Variants in USP8 observed in about 807,000 individuals in gnomAD.
USP8 encodes the protein ubiquitin specific peptidase 8.
A neutral mutation model predicts 130.0 loss-of-function variants in USP8; 27 were observed. The ratio of observed to expected loss-of-function variants is 0.21; its 90% CI spans 0.15 to 0.29. The LOEUF is 0.29. Ranked by LOEUF, USP8 falls within the 10% of genes least tolerant of loss-of-function variation. The probability of loss-of-function intolerance (pLI) is 1.00; values close to 1 mark genes in which losing one functional copy is unlikely to be tolerated. For synonymous variants in USP8, 392 were observed against 444.1 expected (o/e 0.88, Z 1.48); for missense variants, 1,029 against 1,312.2 (o/e 0.78, Z 3.33).
At chr15:50,493,106 T>C in intron 15 of USP8, 193 bp downstream of exon 15, 1 of 672,238 alleles carries the variant, frequency 1.5e-6, no homozygotes, top group Non-Finnish European at 2.7e-6. Flanking sequence ...TCTGGTGCGC[T>C]TTTTTGCTGC....
chr15:50,489,686 A>C, intron 12 of USP8, 115 bp from the exon 13 acceptor site: 1 of 599,162 alleles, frequency 1.7e-6, no homozygotes, highest in South Asian at 3.2e-5. Context: ...CAGCCAAGGC[A>C]AGGTTTTTTG....
intron 8 of USP8, 148 bp downstream of exon 8, chr15:50,471,943 C>A: frequency 1.1e-6 from 1 of 896,212 alleles, no homozygotes; most frequent in Non-Finnish European, 1.7e-6. Flanking sequence ...CTCTGTTGCC[C>A]AAGCTAGAGT....
rs2052765982 is a variant in USP8 at position 50,513,517 on chromosome 15, C to CT, written c.*14430dup. ...GAGTTCGAGACAAGAGCGAAACTGT[C>CT]TAAAAAAAAAAAAAAAAAAAAGAGT... On this transcript the variant is annotated 3_prime_UTR_variant, in exon 20 of 20. Coordinates refer to ENST00000307179, the MANE Select transcript of USP8 (RefSeq NM_005154.5). 4.1e-5 allele frequency: 3 copies of CT among 73,568 alleles called. No homozygotes were observed. The highest frequency in any genetic ancestry group is 1.7e-4 in the Admixed American group (1 of 5,994). 4.6% of individuals were successfully genotyped at this position (73,568 alleles called of 1,614,324 possible).
intron 3 of USP8, among the ~76,000 whole-genome samples, chr15:50,449,073 G>T (rs1416177308): frequency 6.6e-6 from 1 of 152,080 alleles, no homozygotes; most frequent in Non-Finnish European, 1.5e-5. Flanking sequence ...TTTTTAATAA[G>T]AAAATATACT....
Position 50,497,154 on chromosome 15 carries a change from T to C in USP8, c.2961T>C (p.His987=). The C allele has an allele frequency of 6.2e-7, 1 of 1,610,852 alleles. No individual in the cohort carries two copies. Among genetic ancestry groups the C allele is most frequent in the African/African-American group, 1.3e-5 (1 of 74,824 alleles). Residue 987 remains histidine, a synonymous_variant, in exon 18 of 20, where the codon CAT becomes CAC. Transcript: ENST00000307179. The part of the protein sequence containing the change: ...LTDNNRFYCS[H]CRARRDSLKK... The stretch of plus-strand genomic sequence containing the variant: ...ATAACAACAGATTTTACTGCAGTCA[T>C]TGCAGAGCTCGACGGGATTCTCTAA...
chr15:50,437,661 A>G (rs983201573), intron 1 of USP8, among the ~76,000 whole-genome samples: 9 of 152,236 alleles, frequency 5.9e-5, no homozygotes, highest in African/African-American at 1.7e-4. Context: ...TGTTGTCTCT[A>G]TAAGTATGAG....
At chr15:50,445,274 A>G (rs1351114754) in intron 3 of USP8, among the ~76,000 whole-genome samples, 1 of 151,588 alleles carries the variant, frequency 6.6e-6, no homozygotes, top group Non-Finnish European at 1.5e-5. Flanking sequence ...GGCTGGGCGC[A>G]ATGGCTCACC....
chr15:50,470,723 C>T (rs932944311), intron 7 of USP8, among the ~76,000 whole-genome samples: 7 of 151,948 alleles, frequency 4.6e-5, no homozygotes, highest in African/African-American at 1.7e-4. Context: ...CCTCAGCCTC[C>T]TCAGTAGCTG....
chr15:50,497,011 G>GACTA lies in USP8; in HGVS notation c.2896-72_2896-69dup, dbSNP rs202190406. ...GTTGAATCACTGGTGCCTGCAGAGT[G>GACTA]ACTAACTAAATAGGTGCTCTCTGAC... On this transcript the variant is annotated intron_variant, in intron 17 of 19. Transcript: ENST00000307179. The GACTA allele has an allele frequency of 1.4e-4, 207 of 1,516,686 alleles. 2 individuals carry two copies. In the African/African-American group the frequency reaches 2.4e-3, roughly 18 times the overall value. 94.0% of individuals were successfully genotyped at this position (1,516,686 alleles called of 1,614,324 possible).
At chr15:50,495,169 C>G (rs2052328119) in intron 16 of USP8, among the ~76,000 whole-genome samples, 1 of 151,662 alleles carries the variant, frequency 6.6e-6, no homozygotes, top group Non-Finnish European at 1.5e-5. Flanking sequence ...TTTGGGGTCA[C>G]CATTCTTAAC....
chr15:50,466,967 A>G, intron 7 of USP8: 1 of 473,454 alleles, frequency 2.1e-6, no homozygotes, highest in Non-Finnish European at 3.9e-6. Context: ...GTTCTAAGAC[A>G]TGGGATCATT....
chr15:50,438,954 C>T, intron 1 of USP8, 55 bp from the exon 2 acceptor site: 1 of 695,370 alleles, frequency 1.4e-6, no homozygotes, highest in South Asian at 1.9e-5. Flanking sequence ...TTAAACTGCT[C>T]ACTTGTTTTA....
intron 12 of USP8, among the ~76,000 whole-genome samples, chr15:50,484,929 G>T (rs1331873149): frequency 5.9e-5 from 6 of 101,260 alleles, no homozygotes; most frequent in Non-Finnish European, 1.1e-4. Context: ...GGTTTGTAAA[G>T]TAGGCAAATG....
chr15:50,490,210 A>G lies in USP8; in HGVS notation c.1972-53A>G, dbSNP rs1442030594. Reference sequence around the variant, plus strand: ...ACTTTGGAGTGATTTCTTTGTTTATATAATGCTTATTTTTGTTTTTTGACC... The same window carrying G: ...ACTTTGGAGTGATTTCTTTGTTTATGTAATGCTTATTTTTGTTTTTTGACC... On this transcript the variant is annotated intron_variant, in intron 13 of 19. Coordinates refer to ENST00000307179, the MANE Select transcript of USP8 (RefSeq NM_005154.5). 7 of 1,523,690 alleles carry G rather than the reference A, an allele frequency of 4.6e-6. No homozygotes were observed. The East Asian group carries it at 6.8e-5, about 15-fold the overall frequency. The allele number at this position is 1,523,690 out of a possible 1,614,324, so 94.4% of individuals were successfully genotyped here.
chr15:50,462,418 T>C (rs1048794602), intron 6 of USP8, 96 bp downstream of exon 6: 6 of 1,093,728 alleles, frequency 5.5e-6, no homozygotes, highest in East Asian at 2.6e-5. Flanking sequence ...ATTCTTAGCA[T>C]TGTTGTCTAA....
intron 17 of USP8, 54 bp downstream of exon 17, chr15:50,496,138 A>G (rs2052392003): frequency 1.4e-6 from 2 of 1,392,228 alleles, no homozygotes; most frequent in Admixed American, 2.0e-5. Flanking sequence ...TGCTGTTTTT[A>G]TGGATATAGA....
chr15:50,451,983 G>A (rs8037446), intron 4 of USP8, among the ~76,000 whole-genome samples: 20,870 of 152,234 alleles, frequency 0.14, 1,954 homozygotes, highest in Middle Eastern at 0.28. Context: ...CCACGGAGGC[G>A]TGTGTGCCGA....
intron 8 of USP8, 63 bp downstream of exon 8, chr15:50,471,858 T>C: frequency 1.9e-6 from 3 of 1,552,228 alleles, no homozygotes; most frequent in Non-Finnish European, 2.6e-6. Context: ...TAGAAAGGCA[T>C]GTTAACTAGT....
Position 50,510,417 on chromosome 15 carries a change from C to T in USP8, c.*11329C>T, listed in dbSNP as rs1297629059. 1 of 151,612 alleles carries T rather than the reference C, an allele frequency of 6.6e-6. No individual in the cohort carries two copies. Among genetic ancestry groups the T allele is most frequent in the Non-Finnish European group, 1.5e-5 (1 of 67,964 alleles). The allele number at this position is 151,612 out of a possible 1,614,324, so 9.4% of individuals were successfully genotyped here. On this transcript the variant is annotated 3_prime_UTR_variant, in exon 20 of 20. Transcript: ENST00000307179. ...CAGCAATTACAATAAGATACAACAA[C>T]CAAATGCAGTTTGTGAATTTTGGAT...
Sources: allele counts gnomAD v4.1 joint callset (sites outside exome capture counted in the v4.1 genomes callset), GRCh38; gene constraint gnomAD v4.1.1; transcripts MANE v1.5; gene names NCBI Gene and HGNC (gene_info 2026-07-23, HGNC 2026-07-21).